NOL11: variants seen among roughly 807,000 people sequenced by gnomAD.
NOL11 encodes nucleolar protein 11.
A neutral mutation model predicts 93.0 loss-of-function variants in NOL11; 42 were observed. The observed-to-expected ratio is 0.45, with a 90% confidence interval of 0.35 to 0.58. The LOEUF (loss-of-function observed/expected upper bound fraction) is 0.58. Among genes scored for constraint, NOL11 ranks in the 20% least tolerant of loss-of-function variants. The pLI, the probability that NOL11 is intolerant of heterozygous loss-of-function variation, is 0.00. For synonymous variants in NOL11, 296 were observed against 293.7 expected (o/e 1.01, Z -0.08); for missense variants, 775 against 841.8 (o/e 0.92, Z 0.98).
chr17:67,722,727 C>G (rs2043227840), intron 5 of NOL11, 90 bp downstream of exon 5: 2 of 1,428,616 alleles, frequency 1.4e-6, no homozygotes, highest in African/African-American at 1.5e-5. Context: ...CCCTGTCACC[C>G]AGGCTTGAGA....
intron 15 of NOL11, 92 bp downstream of exon 15, chr17:67,739,102 T>G: frequency 1.1e-6 from 1 of 950,622 alleles, no homozygotes; most frequent in Non-Finnish European, 1.6e-6. Flanking sequence ...CTAAAGGTTA[T>G]GAAATTCTTT....
chr17:67,724,238 T>C (rs769252215), intron 6 of NOL11, 45 bp downstream of exon 6: 2 of 1,152,718 alleles, frequency 1.7e-6, no homozygotes, highest in Non-Finnish European at 2.5e-6. Flanking sequence ...AAATAGAGGA[T>C]TGTTATAGGA....
chr17:67,742,276 ATT>A (rs1285542388), intron 16 of NOL11, among the ~76,000 whole-genome samples: 5 of 152,124 alleles, frequency 3.3e-5, no homozygotes, highest in Non-Finnish European at 7.4e-5. Context: ...CCTCATTTTA[ATT>A]TGCATTTCTT....
chr17:67,730,243 TTTG>T (rs918165481), intron 7 of NOL11, among the ~76,000 whole-genome samples: 4 of 152,026 alleles, frequency 2.6e-5, no homozygotes, highest in African/African-American at 7.3e-5. Context: ...ACCAGTTTTT[TTTG>T]TTGTTTTTTG....
intron 1 of NOL11, among the ~76,000 whole-genome samples, chr17:67,718,578 G>A (rs1427671169): frequency 6.6e-6 from 1 of 152,098 alleles, no homozygotes; most frequent in East Asian, 1.9e-4. Flanking sequence ...TAAGAATCTT[G>A]CCTCCAAGTG....
intron 4 of NOL11, among the ~76,000 whole-genome samples, chr17:67,722,051 A>C (rs775451357): frequency 7.2e-5 from 11 of 152,246 alleles, no homozygotes; most frequent in Non-Finnish European, 1.6e-4. Flanking sequence ...TCTAAAAGTC[A>C]GAGTGAAGAC....
At position 67,726,488 on chromosome 17, in the gene NOL11, G is replaced by C; in HGVS notation, c.693G>C (p.Leu231Phe). The change falls in exon 7 of 18, where the codon TTG becomes TTC. Residue 231 changes from leucine (L) to phenylalanine (F), a missense_variant. By Grantham distance (22) the Leu-to-Phe change is conservative. Transcript: ENST00000253247. ...CTGATGGTTGTATATATGAAACCTTGATACCAATACGTCCAGCTGACCCAG... is the reference window on the plus strand; with the variant it reads ...CTGATGGTTGTATATATGAAACCTTCATACCAATACGTCCAGCTGACCCAG... ...LSSDGCIYET[L>F]IPIRPADPEK... The C allele has an allele frequency of 6.2e-7, 1 of 1,613,262 alleles. No individual in the cohort carries two copies. The highest frequency in any genetic ancestry group is 8.5e-7 in the Non-Finnish European group (1 of 1,179,774).
intron 7 of NOL11, among the ~76,000 whole-genome samples, chr17:67,730,823 G>C (rs536909513): frequency 6.6e-6 from 1 of 152,276 alleles, no homozygotes; most frequent in Admixed American, 6.5e-5. Flanking sequence ...GTTGTTGATT[G>C]TGTTTAACTT....
rs144158592 is a variant in NOL11 at position 67,741,091 on chromosome 17, ACGGAGT to A, written c.1935+1485_1935+1490del. On this transcript the variant is annotated intron_variant, in intron 16 of 17. Transcript: ENST00000253247. The stretch of plus-strand genomic sequence containing the variant: ...TACAATTTTTTTTTCCTTTTTTGAG[ACGGAGT>A]CTCGCTCTGTCTCCCAGGCTAGAAT... Among the ~76,000 whole-genome samples, 492 of 152,092 alleles carry A rather than the reference ACGGAGT, an allele frequency of 3.2e-3. 1 individual carries two copies. The highest frequency in any genetic ancestry group is 0.011 in the African/African-American group (472 of 41,494).
chr17:67,724,268 G>T, intron 6 of NOL11, 75 bp downstream of exon 6: 3 of 865,736 alleles, frequency 3.5e-6, no homozygotes, highest in South Asian at 2.0e-5. Flanking sequence ...TTTTTGAATC[G>T]TAGACTTTGT....
At chr17:67,721,256 A>G (rs2043215907) in intron 3 of NOL11, 122 bp from the exon 4 acceptor site, 1 of 613,838 alleles carries the variant, frequency 1.6e-6, no homozygotes, top group Admixed American at 3.6e-5. Flanking sequence ...ACATAATTAT[A>G]AAGCAAAATT....
intron 16 of NOL11, among the ~76,000 whole-genome samples, chr17:67,740,484 C>T (rs1567806145): frequency 6.6e-6 from 1 of 151,726 alleles, no homozygotes; most frequent in Admixed American, 6.6e-5. Context: ...TGGCATATGC[C>T]TGTAATCTCA....
intron 16 of NOL11, among the ~76,000 whole-genome samples, chr17:67,741,982 A>G (rs907889928): frequency 6.6e-6 from 1 of 152,146 alleles, no homozygotes; most frequent in African/African-American, 2.4e-5. Context: ...TCAATCCTCT[A>G]TTGATGGTCA....
intron 5 of NOL11, among the ~76,000 whole-genome samples, chr17:67,723,714 T>A (rs2055058553): frequency 6.6e-6 from 1 of 151,322 alleles, no homozygotes; most frequent in Non-Finnish European, 1.5e-5. Context: ...CTTTTAAATT[T>A]AAGGCTGGGT....
chr17:67,737,814 T>C (rs777871909), intron 12 of NOL11, 33 bp from the exon 13 acceptor site: 63 of 1,590,526 alleles, frequency 4.0e-5, no homozygotes, highest in Non-Finnish European at 8.5e-7. Context: ...ATTTTCTTAA[T>C]ATGTAATAGT....
Position 67,726,442 on chromosome 17 carries a change from A to G in NOL11, c.665-18A>G, listed in dbSNP as rs1204266711. 1.9e-6 allele frequency: 3 copies of G among 1,593,656 alleles called. No individual in the cohort carries two copies. The highest frequency in any genetic ancestry group is 2.6e-6 in the Non-Finnish European group (3 of 1,171,734). ...AAGTATCCTTCAATAACCAACAACAAATGCTTGTTTCCAACAGGCTCTGAT... is the reference window on the plus strand; with the variant it reads ...AAGTATCCTTCAATAACCAACAACAGATGCTTGTTTCCAACAGGCTCTGAT... On this transcript the variant is annotated intron_variant, in intron 6 of 17. Transcript: ENST00000253247.
At chr17:67,723,966 G>A (rs2055061476) in intron 5 of NOL11, 83 bp from the exon 6 acceptor site, 4 of 907,212 alleles carry the variant, frequency 4.4e-6, no homozygotes, top group Admixed American at 5.0e-5. Flanking sequence ...AAGTAGAATG[G>A]GGTGACAACT....
intron 6 of NOL11, among the ~76,000 whole-genome samples, chr17:67,725,393 G>A (rs1016056067): frequency 6.6e-5 from 10 of 151,904 alleles, no homozygotes; most frequent in African/African-American, 1.7e-4. Flanking sequence ...CCTCTAGGGC[G>A]GGGAAGAAAA....
At chr17:67,737,284 G>A in intron 11 of NOL11, 139 bp downstream of exon 11, 1 of 690,970 alleles carries the variant, frequency 1.4e-6, no homozygotes. Context: ...GGGTGTCAGA[G>A]TTGATCCGAT....
Sources: gnomAD v4.1 joint callset for allele counts (sites outside exome capture counted in the v4.1 genomes callset) on GRCh38, gnomAD v4.1.1 for gene constraint, MANE v1.5 for transcripts, NCBI Gene and HGNC (gene_info 2026-07-23, HGNC 2026-07-21) for gene names.